Variants in RNF182 observed in about 807,000 individuals in gnomAD.
RNF182 encodes ring finger protein 182.
Under a neutral mutation model 14.4 loss-of-function variants are expected in RNF182, and 15 were observed. The observed-to-expected ratio is 1.04, with a 90% CI of 0.70 to 1.60. RNF182 has a LOEUF of 1.60. RNF182 is among the 40% of genes most tolerant of loss of function. The pLI, the probability that RNF182 is intolerant of heterozygous loss-of-function variation, is 0.00. For synonymous variants in RNF182, 128 were observed against 122.9 expected, an observed-to-expected ratio of 1.04 and a Z score of -0.27; for missense variants, 268 against 294.8, an observed-to-expected ratio of 0.91 and a Z score of 0.67.
intron 1 of RNF182, among the ~76,000 whole-genome samples, chr6:13,953,400 G>A (rs1759644384): frequency 6.6e-6 from 1 of 152,184 alleles, no homozygotes; most frequent in African/African-American, 2.4e-5. Context: ...GGGGGCAGAG[G>A]GGTGGTGGCA....
intron 1 of RNF182, among the ~76,000 whole-genome samples, chr6:13,927,062 A>C (rs1397833195): frequency 1.3e-5 from 2 of 152,154 alleles, no homozygotes; most frequent in African/African-American, 4.8e-5. Context: ...GCTTCTTCAG[A>C]GCTGCATCAT....
intron 1 of RNF182, among the ~76,000 whole-genome samples, chr6:13,963,723 C>T (rs1041806890): frequency 6.6e-6 from 1 of 152,108 alleles, no homozygotes; most frequent in African/African-American, 2.4e-5. Context: ...ACCCTGAGGT[C>T]AGAAATTTGC....
intron 1 of RNF182, among the ~76,000 whole-genome samples, chr6:13,927,930 A>G (rs1298250106): frequency 6.6e-6 from 1 of 152,206 alleles, no homozygotes; most frequent in Admixed American, 6.5e-5. Flanking sequence ...CTCAAGACAA[A>G]ATGCTGTAAA....
At chr6:13,969,666 G>C (rs1760126357) in intron 1 of RNF182, among the ~76,000 whole-genome samples, 1 of 152,164 alleles carries the variant, frequency 6.6e-6, no homozygotes, top group Non-Finnish European at 1.5e-5. Context: ...ATGGATTTGA[G>C]TCTAATAATA....
intron 1 of RNF182, among the ~76,000 whole-genome samples, chr6:13,925,978 T>C (rs765607011): frequency 6.6e-6 from 1 of 152,170 alleles, no homozygotes; most frequent in African/African-American, 2.4e-5. Flanking sequence ...CTTTTTTTTT[T>C]GGTACTTAGA....
chr6:13,942,726 T>G (rs1222187027), intron 1 of RNF182, among the ~76,000 whole-genome samples: 1 of 152,216 alleles, frequency 6.6e-6, no homozygotes, highest in Admixed American at 6.5e-5. Context: ...GAAGTACAAT[T>G]TTATATCCTT....
intron 1 of RNF182, among the ~76,000 whole-genome samples, chr6:13,965,169 G>A (rs1219231541): frequency 6.6e-6 from 1 of 152,208 alleles, no homozygotes; most frequent in Non-Finnish European, 1.5e-5. Flanking sequence ...AGACTTTCTA[G>A]AGATGAAATG....
rs536140816 is a variant in RNF182, at chr6:13,928,505, T to A, written c.-367+3482T>A. ...CTTTTTTCAAAAGTTACCAGTTAAT[T>A]TTGTAATGTTTTTTTAAAAAGTTTT... On this transcript the variant is annotated intron_variant, in intron 1 of 2. Transcript: ENST00000488300. Among the ~76,000 whole-genome samples the A allele has an allele frequency of 2.6e-5, 4 of 152,370 alleles. No homozygotes were observed. In the East Asian group the frequency reaches 5.8e-4, roughly 22 times the overall value.
intron 1 of RNF182, among the ~76,000 whole-genome samples, chr6:13,958,594 G>A (rs1235615931): frequency 6.6e-6 from 1 of 152,098 alleles, no homozygotes; most frequent in Non-Finnish European, 1.5e-5. Flanking sequence ...CTCTGTGCTA[G>A]CTTATGATAG....
chr6:13,937,341 G>A (rs1005467110), intron 1 of RNF182, among the ~76,000 whole-genome samples: 2 of 152,142 alleles, frequency 1.3e-5, no homozygotes, highest in African/African-American at 2.4e-5. Flanking sequence ...GCCCCCAAAG[G>A]TGACCCATAG....
At chr6:13,958,639 G>A (rs1464749563) in intron 1 of RNF182, among the ~76,000 whole-genome samples, 1 of 152,002 alleles carries the variant, frequency 6.6e-6, no homozygotes, top group Non-Finnish European at 1.5e-5. Context: ...ACATATTAGT[G>A]GTTCTTATAT....
chr6:13,939,067 G>C (rs1290733000), intron 1 of RNF182, among the ~76,000 whole-genome samples: 2 of 152,188 alleles, frequency 1.3e-5, no homozygotes, highest in Admixed American at 1.3e-4. Context: ...TGGGCAACAA[G>C]AGCAAGACCC....
chr6:13,960,089 A>G (rs1456571387), intron 1 of RNF182, among the ~76,000 whole-genome samples: 2 of 152,168 alleles, frequency 1.3e-5, no homozygotes, highest in Admixed American at 1.3e-4. Context: ...AACCTGTGAG[A>G]ATAGATAGTT....
rs1328693969 is a variant in RNF182, at chr6:13,977,048, C to A, written c.-72C>A. On this transcript the variant is annotated 5_prime_UTR_variant, in exon 3 of 3. Coordinates refer to ENST00000488300, the MANE Select transcript of RNF182 (RefSeq NM_152737.4). ...TGCCAGATTTGGATGATATGATATT[C>A]AGAGGGGCACCTTAATCAAAGCCAT... 2.5e-5 allele frequency: 36 copies of A among 1,469,330 alleles called. No individual in the cohort carries two copies. The highest frequency in any genetic ancestry group is 3.1e-5 in the Non-Finnish European group (34 of 1,081,648). 91.0% of individuals were successfully genotyped at this position (1,469,330 alleles called of 1,614,324 possible). A position where few individuals can be genotyped will look rare whatever the true frequency, so the allele number is the denominator to read the frequency against.
chr6:13,972,547 G>A (rs1760217111), intron 1 of RNF182, among the ~76,000 whole-genome samples: 1 of 152,072 alleles, frequency 6.6e-6, no homozygotes. Flanking sequence ...TGGTTTTGTG[G>A]GCCGGACCTA....
chr6:13,969,101 G>GT (rs540738775), intron 1 of RNF182, among the ~76,000 whole-genome samples: 8 of 135,770 alleles, frequency 5.9e-5, no homozygotes, highest in African/African-American at 2.1e-4. Flanking sequence ...GCTTGTCTCT[G>GT]TTTTTTGTTG....
intron 1 of RNF182, among the ~76,000 whole-genome samples, chr6:13,967,218 G>T (rs888013729): frequency 2.6e-5 from 4 of 152,096 alleles, no homozygotes; most frequent in African/African-American, 9.7e-5. Context: ...CAAATGCGGA[G>T]TCAATAGAAC....
intron 1 of RNF182, among the ~76,000 whole-genome samples, chr6:13,947,055 TA>T (rs1469482314): frequency 2.0e-5 from 1 of 49,224 alleles, no homozygotes; most frequent in Non-Finnish European, 7.5e-5. Context: ...TAAAATTGTC[TA>T]AAATTAAATA....
chr6:13,959,921 A>G (rs886515512), intron 1 of RNF182, among the ~76,000 whole-genome samples: 1 of 152,172 alleles, frequency 6.6e-6, no homozygotes, highest in African/African-American at 2.4e-5. Flanking sequence ...ATGATATTCA[A>G]AGCTACTGGA....
Sources: allele counts gnomAD v4.1 joint callset (sites outside exome capture counted in the v4.1 genomes callset), GRCh38; gene constraint gnomAD v4.1.1; transcripts MANE v1.5; gene names NCBI Gene and HGNC (gene_info 2026-07-23, HGNC 2026-07-21).